The following ITPR2 variants were observed in gnomAD, a reference collection of about 807,000 sequenced individuals.
ITPR2 encodes the protein inositol 1,4,5-trisphosphate receptor type 2, also known as inositol 1,4,5-trisphosphate-gated calcium channel ITPR2.
Under a neutral mutation model 317.1 loss-of-function variants are expected in ITPR2, and 207 were observed. That is an observed-to-expected ratio of 0.65 (90% confidence interval 0.58 to 0.73). ITPR2 has a LOEUF of 0.73. ITPR2 is among the 30% of genes least tolerant of loss of function. ITPR2 has a pLI of 0.00. For missense variants in ITPR2, 2,613 were observed against 3,284.0 expected, an observed-to-expected ratio of 0.80 and a Z score of 4.99; for synonymous variants, 1,156 against 1,149.1, an observed-to-expected ratio of 1.01 and a Z score of -0.12.
intron 56 of ITPR2, 44 bp from the exon 57 acceptor site, chr12:26,339,527 C>A (rs773978567): frequency 6.6e-7 from 1 of 1,524,350 alleles, no homozygotes; most frequent in Non-Finnish European, 9.1e-7. Context: ...TTTTCTCACT[C>A]TTACCCAGTG....
At chr12:26,376,181 T>A (rs1011694391) in intron 55 of ITPR2, among the ~76,000 whole-genome samples, 1 of 152,340 alleles carries the variant, frequency 6.6e-6, no homozygotes, top group South Asian at 2.1e-4. Context: ...ACCTATATAC[T>A]CAGTTTTGTA....
At chr12:26,346,238 C>T (rs1938302242) in intron 55 of ITPR2, among the ~76,000 whole-genome samples, 1 of 152,218 alleles carries the variant, frequency 6.6e-6, no homozygotes. Context: ...TAACAGTTAT[C>T]TATTTCTCTG....
chr12:26,449,552 A>G (rs1941689677), intron 45 of ITPR2, among the ~76,000 whole-genome samples: 1 of 152,212 alleles, frequency 6.6e-6, no homozygotes, highest in Non-Finnish European at 1.5e-5. Flanking sequence ...TAATTAATAC[A>G]AGGAAAAATG....
rs568610287 is a variant in ITPR2 at position 26,556,855 on chromosome 12, G to A, written c.4822-480C>T. On this transcript the variant is annotated intron_variant, in intron 35 of 56. Transcript: ENST00000381340. ...GCACTTTGGGAGGCCAAGGCAGGTG[G>A]ATTGCATGAGGCCAGGATTTGGGGA... Among the ~76,000 whole-genome samples, 4 of 151,926 alleles carry A rather than the reference G, an allele frequency of 2.6e-5. No homozygotes were observed. The South Asian group carries it at 8.3e-4, about 32-fold the overall frequency.
At chr12:26,655,148 A>T (rs1041511181) in intron 20 of ITPR2, among the ~76,000 whole-genome samples, 4 of 152,236 alleles carry the variant, frequency 2.6e-5, no homozygotes, top group African/African-American at 7.2e-5. Context: ...ATCTCCATAG[A>T]GATAAAAAAA....
At chr12:26,360,937 G>A (rs1272087001) in intron 55 of ITPR2, among the ~76,000 whole-genome samples, 7 of 152,080 alleles carry the variant, frequency 4.6e-5, no homozygotes, top group East Asian at 3.9e-4. Flanking sequence ...TTAGCAGCCA[G>A]GCGCCATGGC....
intron 45 of ITPR2, among the ~76,000 whole-genome samples, chr12:26,467,245 G>GA: frequency 6.6e-6 from 1 of 152,128 alleles, no homozygotes; most frequent in South Asian, 2.1e-4. Context: ...AATTTTTAAA[G>GA]AAAAAAGTGG....
intron 37 of ITPR2, among the ~76,000 whole-genome samples, chr12:26,516,883 G>A (rs1190223512): frequency 2.0e-5 from 3 of 151,636 alleles, no homozygotes; most frequent in Non-Finnish European, 2.9e-5. Context: ...AAAAGAGAAC[G>A]TAAAAGAAAA....
At chr12:26,345,566 A>C (rs1300103553) in intron 55 of ITPR2, among the ~76,000 whole-genome samples, 1 of 152,242 alleles carries the variant, frequency 6.6e-6, no homozygotes, top group Non-Finnish European at 1.5e-5. Context: ...CTGGAAGCAC[A>C]GAAAACAAAG....
At position 26,439,164 on chromosome 12, in the gene ITPR2, ATCT is replaced by A. The variant is rs1941428749; in HGVS notation, c.6603_6605del (p.Glu2201del). ...TCTGCCACTTCATTTCATTGTAGAG[ATCT>A]TCTGTTTGCTGGAAAAAGTCATTCA... On this transcript the variant is annotated inframe_deletion, in exon 47 of 57. Transcript: ENST00000381340. 1 of 1,611,270 alleles carries A rather than the reference ATCT, an allele frequency of 6.2e-7. No homozygotes were observed. The highest frequency in any genetic ancestry group is 8.5e-7 in the Non-Finnish European group (1 of 1,178,844).
chr12:26,415,431 C>T lies in ITPR2; in HGVS notation c.7178G>A (p.Arg2393His). 6.2e-7 allele frequency: 1 copy of T among 1,611,010 alleles called. No homozygotes were observed. The highest frequency in any genetic ancestry group is 8.5e-7 in the Non-Finnish European group (1 of 1,178,206). ...NVIKSVTRNGRSIILTAVLAL... is the reference protein window; with the variant it reads ...NVIKSVTRNGHSIILTAVLAL... ...CAGGACTGCAGTTAGAATAATAGAG[C>T]GGCCATTTCGTGTGACACTTTTTAT... Residue 2393 changes from arginine (R) to histidine (H), a missense_variant, in exon 51 of 57, where the codon CGC (arginine) becomes CAC (histidine). Coordinates refer to ENST00000381340, the MANE Select transcript of ITPR2 (RefSeq NM_002223.4).
chr12:26,492,129 G>A (rs889740855), intron 39 of ITPR2, among the ~76,000 whole-genome samples: 2 of 152,202 alleles, frequency 1.3e-5, no homozygotes, highest in Non-Finnish European at 2.9e-5. Flanking sequence ...ACAAGCTGGA[G>A]AGGGTGGTAT....
At chr12:26,475,836 AAC>A (rs1285444927) in intron 44 of ITPR2, among the ~76,000 whole-genome samples, 1 of 152,148 alleles carries the variant, frequency 6.6e-6, no homozygotes, top group Non-Finnish European at 1.5e-5. Context: ...CAAGGAGGCA[AAC>A]ACAGTGCGGT....
At chr12:26,437,884 C>T (rs1367307321) in intron 47 of ITPR2, among the ~76,000 whole-genome samples, 1 of 152,152 alleles carries the variant, frequency 6.6e-6, no homozygotes, top group Non-Finnish European at 1.5e-5. Flanking sequence ...TCACTGCAAC[C>T]TCTGCCTCCT....
Position 26,600,040 on chromosome 12 carries a change from G to T in ITPR2, c.3748C>A (p.Pro1250Thr), listed in dbSNP as rs1408294408. Residue 1250 changes from proline (P) to threonine (T), a missense_variant, in exon 29 of 57, where the codon CCA (proline) becomes ACA (threonine). Transcript: ENST00000381340. ...TFLQNFCRGN[P>T]QNQVLLHKHL... ...TTATGAAGAAGAACTTGATTCTGTG[G>T]ATTTCCTCGACAGAAATTCTGCAGA... 1.2e-6 allele frequency: 2 copies of T among 1,604,948 alleles called. No homozygotes were observed. The highest frequency in any genetic ancestry group is 1.7e-4 in the Middle Eastern group (1 of 6,034).
At chr12:26,778,402 A>G (rs944143605) in intron 2 of ITPR2, among the ~76,000 whole-genome samples, 2 of 152,238 alleles carry the variant, frequency 1.3e-5, no homozygotes, top group Non-Finnish European at 2.9e-5. Context: ...GTGGATTATC[A>G]TAAGCTTAAC....
intron 21 of ITPR2, among the ~76,000 whole-genome samples, chr12:26,644,177 G>A (rs1259158686): frequency 6.6e-6 from 1 of 152,080 alleles, no homozygotes; most frequent in African/African-American, 2.4e-5. Context: ...AAAGGAGGGG[G>A]TGCCACCTCA....
intron 13 of ITPR2, among the ~76,000 whole-genome samples, chr12:26,668,207 C>A (rs940088421): frequency 3.9e-5 from 6 of 152,190 alleles, no homozygotes; most frequent in Admixed American, 2.6e-4. Context: ...GGGATGATTT[C>A]AACTCTTGCA....
intron 2 of ITPR2, among the ~76,000 whole-genome samples, chr12:26,746,452 T>C (rs1949325774): frequency 6.6e-6 from 1 of 152,208 alleles, no homozygotes; most frequent in South Asian, 2.1e-4. Flanking sequence ...TTTGCCACTC[T>C]AAAACATGTA....
Sources: gnomAD v4.1 joint callset for allele counts (sites outside exome capture counted in the v4.1 genomes callset) on GRCh38, gnomAD v4.1.1 for gene constraint, MANE v1.5 for transcripts, NCBI Gene and HGNC (gene_info 2026-07-23, HGNC 2026-07-21) for gene names.